GALNT18: variants seen among roughly 807,000 people sequenced by gnomAD.
GALNT18 encodes GalNAc-transferase 18.
GALNT18 carries 44 observed loss-of-function variants against 69.5 expected under a neutral mutation model. That is an observed-to-expected ratio of 0.63 (90% CI 0.50 to 0.81). The LOEUF (loss-of-function observed/expected upper bound fraction) is 0.81. GALNT18 is among the 40% of genes least tolerant of loss of function. The pLI is 0.00. For synonymous variants in GALNT18, 364 were observed against 318.2 expected, an observed-to-expected ratio of 1.14 and a Z score of -1.53; for missense variants, 715 against 810.0, an observed-to-expected ratio of 0.88 and a Z score of 1.42.
At chr11:11,462,364 C>T (rs905487016) in intron 1 of GALNT18, among the ~76,000 whole-genome samples, 10 of 151,794 alleles carry the variant, frequency 6.6e-5, no homozygotes, top group African/African-American at 2.4e-4. Context: ...GCAACCTCCA[C>T]TTCCTGGGTC....
intron 3 of GALNT18, among the ~76,000 whole-genome samples, chr11:11,424,371 C>A (rs1053254532): frequency 4.6e-5 from 7 of 152,126 alleles, no homozygotes; most frequent in African/African-American, 1.7e-4. Flanking sequence ...GGCCAGCGGG[C>A]CTGGATTTGA....
At chr11:11,392,024 T>C (rs1215573732) in intron 3 of GALNT18, among the ~76,000 whole-genome samples, 1 of 152,232 alleles carries the variant, frequency 6.6e-6, no homozygotes, top group African/African-American at 2.4e-5. Flanking sequence ...CAACGCTTTC[T>C]AATGACCAAC....
At chr11:11,327,038 G>GAGCCTA in intron 9 of GALNT18, 48 bp downstream of exon 9, 1 of 1,335,016 alleles carries the variant, frequency 7.5e-7, no homozygotes. Flanking sequence ...CCCCATGCCA[G>GAGCCTA]GCACTCATAT....
In GALNT18 at chr11:11,377,288, C is replaced by G. The variant is rs143325777; in HGVS notation, c.871G>C (p.Glu291Gln). 61 of 1,613,882 alleles carry G rather than the reference C, an allele frequency of 3.8e-5. No homozygotes were observed. Among genetic ancestry groups the G allele is most frequent in the Admixed American group, 8.3e-5 (5 of 59,994 alleles). Residue 291 changes from glutamate (E) to glutamine (Q), a missense_variant, in exon 5 of 11, where the codon GAA becomes CAA. Physicochemically the swap from Glu to Gln is conservative, Grantham distance 29. Coordinates refer to ENST00000227756, the MANE Select transcript of GALNT18 (RefSeq NM_198516.3). This position sits in a 1 kb window ranked among gnomAD's most constrained non-coding sequence, Gnocchi z 4.6. ...DNIKYDNFEI[E>Q]EYPLAAQGFD... is the part of the protein sequence containing the mutation. ...CCCTGGGCAGCCAGCGGGTACTCTT[C>G]TATCTCAAAGTTGTCATATTTGATG...
At chr11:11,533,354 A>T (rs576977099) in intron 1 of GALNT18, among the ~76,000 whole-genome samples, 1 of 152,180 alleles carries the variant, frequency 6.6e-6, no homozygotes, top group Non-Finnish European at 1.5e-5. Flanking sequence ...GGAAGCCAGG[A>T]TCCAAACCCA....
In GALNT18 at chr11:11,332,551, G is replaced by T; in HGVS notation, c.1416+143C>A. ...TGTAAAAGTAAAGGCTGTCTTGCAG[G>T]TGCAGAACCCAGCGCCCGGTCCCCA... On this transcript the variant is annotated intron_variant, in intron 8 of 10. Transcript: ENST00000227756. This position sits in a 1 kb window ranked among gnomAD's most constrained non-coding sequence, Gnocchi z 4.3. The T allele has an allele frequency of 1.2e-6, 1 of 827,906 alleles. No homozygotes were observed. Among genetic ancestry groups the T allele is most frequent in the Non-Finnish European group, 1.9e-6 (1 of 527,246 alleles). 51.3% of individuals were successfully genotyped at this position (827,906 alleles called of 1,614,324 possible).
Position 11,327,099 on chromosome 11 carries a change from C to A in GALNT18, c.1499G>T (p.Gly500Val), listed in dbSNP as rs537570994. The A allele has an allele frequency of 6.2e-7, 1 of 1,613,090 alleles. No homozygotes were observed. Among genetic ancestry groups the A allele is most frequent in the African/African-American group, 1.3e-5 (1 of 74,892 alleles). The stretch of plus-strand genomic sequence containing the variant: ...TAGAGGACTCACCTGAGGCGTCATC[C>A]CATGGCAGATGTACATGATGGGGAC... ...ENVPIMYICH[G>V]MTPQNVYYTS... The change falls in exon 9 of 11, where the codon GGG becomes GTG. Residue 500 changes from glycine to valine, a missense_variant. By Grantham distance (109) the Gly-to-Val change is moderately radical (BLOSUM62 -3). Transcript: ENST00000227756.
intron 8 of GALNT18, 80 bp from the exon 9 acceptor site, chr11:11,327,261 A>G (rs1365388110): frequency 2.8e-6 from 3 of 1,052,930 alleles, no homozygotes; most frequent in Non-Finnish European, 4.4e-6. Flanking sequence ...AGAAACAAGT[A>G]TTCTGCTGAG....
chr11:11,526,470 A>C (rs1041092349), intron 1 of GALNT18, among the ~76,000 whole-genome samples: 1 of 152,012 alleles, frequency 6.6e-6, no homozygotes, highest in African/African-American at 2.4e-5. Flanking sequence ...ACCAGAACAT[A>C]TGTAGTTATT....
intron 1 of GALNT18, among the ~76,000 whole-genome samples, chr11:11,565,741 C>G (rs2133989420): frequency 6.6e-6 from 1 of 152,320 alleles, no homozygotes; most frequent in Non-Finnish European, 1.5e-5. Context: ...GAAAATAGAT[C>G]AATGCACTTG....
chr11:11,288,265 A>C (rs1186155581), intron 10 of GALNT18, among the ~76,000 whole-genome samples: 1 of 152,170 alleles, frequency 6.6e-6, no homozygotes, highest in African/African-American at 2.4e-5. Flanking sequence ...AAAACTCTAA[A>C]TTCTGCACAC....
chr11:11,316,000 G>A lies in GALNT18; in HGVS notation c.1512+11086C>T, dbSNP rs1035426656. Among the ~76,000 whole-genome samples, 6 of 152,180 alleles carry A rather than the reference G, an allele frequency of 3.9e-5. No homozygotes were observed. The highest frequency in any genetic ancestry group is 1.2e-4 in the African/African-American group (5 of 41,448). On this transcript the variant is annotated intron_variant, in intron 9 of 10. Transcript: ENST00000227756. The surrounding 1 kb of genome is among the most constrained non-coding windows in gnomAD (Gnocchi z 5.6). ...TGAATGGTGGCCCCTGGAACCGTGCGAGGTGACAGCTCAGAGGACAATAAA... is the reference window on the plus strand; with the variant it reads ...TGAATGGTGGCCCCTGGAACCGTGCAAGGTGACAGCTCAGAGGACAATAAA...
intron 6 of GALNT18, among the ~76,000 whole-genome samples, chr11:11,365,332 CT>C: frequency 6.6e-6 from 1 of 152,088 alleles, no homozygotes; most frequent in Non-Finnish European, 1.5e-5. Flanking sequence ...GTTCTCATTC[CT>C]TTTTATGGCT....
At chr11:11,426,345 G>A (rs140504187) in intron 3 of GALNT18, among the ~76,000 whole-genome samples, 254 of 152,306 alleles carry the variant, frequency 1.7e-3, no homozygotes, top group Middle Eastern at 3.4e-3. Context: ...TAGCTCTGGG[G>A]GAGCTGAGGC....
intron 10 of GALNT18, among the ~76,000 whole-genome samples, chr11:11,292,715 C>T (rs146579547): frequency 6.6e-6 from 1 of 152,290 alleles, no homozygotes; most frequent in East Asian, 1.9e-4. Context: ...AGGGGACTCC[C>T]ATCTCTGAGC....
intron 9 of GALNT18, among the ~76,000 whole-genome samples, chr11:11,316,253 C>A (rs1286548808): frequency 6.6e-6 from 1 of 152,100 alleles, no homozygotes; most frequent in African/African-American, 2.4e-5. Flanking sequence ...AGCCACCCAG[C>A]GCCTGGTATT....
chr11:11,417,174 C>T (rs958106487), intron 3 of GALNT18, among the ~76,000 whole-genome samples: 2 of 152,208 alleles, frequency 1.3e-5, no homozygotes, highest in African/African-American at 4.8e-5. Flanking sequence ...AAACCATGCG[C>T]CTTTCTGAAA....
Position 11,480,071 on chromosome 11 carries a change from G to A in GALNT18, c.236-31135C>T, listed in dbSNP as rs548954005. 6.6e-6 allele frequency among the ~76,000 whole-genome samples: 1 copy of A among 151,914 alleles called. No individual in the cohort carries two copies. The highest frequency in any genetic ancestry group is 2.1e-4 in the South Asian group (1 of 4,760). On this transcript the variant is annotated intron_variant, in intron 1 of 10. Transcript: ENST00000227756. This position sits in a 1 kb window ranked among gnomAD's most constrained non-coding sequence, Gnocchi z 4.6. ...TTTGTAGATCTTGGAGCGGGGAGGG[G>A]GTACAGGAGGCAGAAAATACTGCTA... is the stretch of plus-strand genomic sequence containing the variant.
At chr11:11,279,126 A>T (rs770628872) in intron 10 of GALNT18, among the ~76,000 whole-genome samples, 1 of 152,136 alleles carries the variant, frequency 6.6e-6, no homozygotes, top group East Asian at 1.9e-4. Flanking sequence ...AGAGCTGGTC[A>T]TTTAAAAGTG....
Sources: gnomAD v4.1 joint callset for allele counts (sites outside exome capture counted in the v4.1 genomes callset) on GRCh38, gnomAD v4.1.1 for gene constraint, Gnocchi (gnomAD v3.1) non-coding constraint, MANE v1.5 for transcripts, NCBI Gene and HGNC (gene_info 2026-07-23, HGNC 2026-07-21) for gene names.